VAC14: variants seen among roughly 807,000 people sequenced by gnomAD.
The protein encoded by VAC14 is protein VAC14 homolog.
In VAC14, 47 loss-of-function variants were observed where a neutral mutation model predicts 85.3. The ratio of observed to expected loss-of-function variants is 0.55; its 90% CI spans 0.44 to 0.70. The LOEUF is 0.70. Ranked by LOEUF, VAC14 falls within the 30% of genes least tolerant of loss-of-function variation. The pLI is 0.00. For synonymous variants in VAC14, 447 were observed against 430.5 expected (o/e 1.04, Z -0.47); for missense variants, 861 against 1,004.3 (o/e 0.86, Z 1.93).
chr16:70,783,093 G>T lies in VAC14; in HGVS notation c.751C>A (p.Pro251Thr), dbSNP rs2033889560. The change falls in exon 7 of 19, where the codon CCC becomes ACC. Residue 251 changes from proline to threonine, a missense_variant. Pro to Thr is a conservative substitution (Grantham distance 38). Around this residue, in one of 3 missense-constraint regions of VAC14, gnomAD observed 629 missense variants for 703.1 expected, o/e 0.89. Coordinates refer to ENST00000261776, the MANE Select transcript of VAC14 (RefSeq NM_018052.5). ...ATCTCAGCAAACTTCACACTGGAGG[G>T]GTTCTTCTTAATTTCTTTTAAGAAT... is the stretch of plus-strand genomic sequence containing the variant. The part of the protein sequence containing the change: ...GEFLKEIKKN[P>T]SSVKFAEMAN... The T allele has an allele frequency of 6.2e-7, 1 of 1,614,094 alleles. No individual in the cohort carries two copies. The highest frequency in any genetic ancestry group is 1.3e-5 in the African/African-American group (1 of 75,030).
chr16:70,784,170 C>G lies in VAC14; in HGVS notation c.537G>C (p.Leu179Phe). ...NKFDLVSFIP[L>F]LRERIYSNNQ... is the part of the protein sequence containing the mutation. ...TGTTGGAGTAAATCCTCTCTCGCAA[C>G]AAGGGGATGAAGCTCACCAGGTCAA... The change falls in exon 5 of 19, where the codon TTG becomes TTC. Residue 179 changes from leucine to phenylalanine, a missense_variant. Leu to Phe is a conservative substitution (Grantham distance 22, BLOSUM62 0). Around this residue, in one of 3 missense-constraint regions of VAC14, gnomAD observed 629 missense variants for 703.1 expected, o/e 0.89. Transcript: ENST00000261776. The G allele has an allele frequency of 6.2e-7, 1 of 1,614,162 alleles. No individual in the cohort carries two copies. The highest frequency in any genetic ancestry group is 8.5e-7 in the Non-Finnish European group (1 of 1,180,032).
In VAC14 at chr16:70,695,641, GA is replaced by G; in HGVS notation, c.1956-19del. ...GGTCCCCACTGGGTGTGCAGTCAAG[GA>G]AAGTCTGTCTGCTGGGCCAGCACAG... On this transcript the variant is annotated intron_variant, in intron 16 of 18. Transcript: ENST00000261776. 1 of 1,610,716 alleles carries G rather than the reference GA, an allele frequency of 6.2e-7. No homozygotes were observed. Among genetic ancestry groups the G allele is most frequent in the South Asian group, 1.1e-5 (1 of 91,004 alleles).
chr16:70,755,945 T>C, intron 12 of VAC14: 1 of 453,120 alleles, frequency 2.2e-6, no homozygotes, highest in Non-Finnish European at 4.4e-6. Flanking sequence ...AGCTCGGGGG[T>C]TTGGGGCTTC....
intron 10 of VAC14, among the ~76,000 whole-genome samples, chr16:70,764,591 G>A (rs901642714): frequency 6.6e-6 from 1 of 152,220 alleles, no homozygotes; most frequent in Non-Finnish European, 1.5e-5. Flanking sequence ...AATTAAAAAG[G>A]AGAAACAGGT....
At chr16:70,790,190 G>A (rs1263187293) in intron 1 of VAC14, among the ~76,000 whole-genome samples, 3 of 152,196 alleles carry the variant, frequency 2.0e-5, no homozygotes, top group African/African-American at 4.8e-5. Flanking sequence ...GAAAGAGAAC[G>A]ACCCGTGTCT....
chr16:70,697,085 G>T, intron 16 of VAC14, 54 bp downstream of exon 16: 1 of 1,472,500 alleles, frequency 6.8e-7, no homozygotes, highest in Non-Finnish European at 9.5e-7. Context: ...GGGGCAGCCG[G>T]CCCCTTCCTG....
At chr16:70,785,681 G>A (rs2034016002) in intron 3 of VAC14, 21 bp downstream of exon 3, 1 of 1,543,256 alleles carries the variant, frequency 6.5e-7, no homozygotes, top group Admixed American at 2.0e-5. Flanking sequence ...GCTCAGTGAG[G>A]AGGAGGAGGA....
At position 70,695,718 on chromosome 16, in the gene VAC14, GCA is replaced by G. The variant is rs1013185050; in HGVS notation, c.1956-97_1956-96del. 9.1e-6 allele frequency: 11 copies of G among 1,206,428 alleles called. No homozygotes were observed. The African/African-American group carries it at 1.2e-4, about 13-fold the overall frequency. The allele number at this position is 1,206,428 out of a possible 1,614,324, so 74.7% of individuals were successfully genotyped here. ...TCCCCCCCTGCACCTGGCTTCCTGT[GCA>G]CAGAGCCTGGTTGTGGTGAAGCAGG... On this transcript the variant is annotated intron_variant, in intron 16 of 18. Transcript: ENST00000261776.
chr16:70,769,051 G>C lies in VAC14; in HGVS notation c.1160+3058C>G, dbSNP rs144609626. ...GGCTGATCTCGAACTCCTGACCTCA[G>C]GTGATCCACCTGCCTTGGCCTCCCA... On this transcript the variant is annotated intron_variant, in intron 10 of 18. Transcript: ENST00000261776. The C allele has an allele frequency of 7.4e-3, 1,837 of 248,332 alleles. 33 individuals carry two copies. The highest frequency in any genetic ancestry group is 0.041 in the African/African-American group (1,714 of 42,192). 15.4% of individuals were successfully genotyped at this position (248,332 alleles called of 1,614,324 possible). A position where few individuals can be genotyped will look rare whatever the true frequency, so the allele number is the denominator to read the frequency against.
At chr16:70,732,886 T>G (rs1391038076) in intron 13 of VAC14, among the ~76,000 whole-genome samples, 1 of 152,082 alleles carries the variant, frequency 6.6e-6, no homozygotes, top group African/African-American at 2.4e-5. Context: ...TGACCTCAGG[T>G]GATCCACCTG....
chr16:70,754,153 C>T (rs1416543578), intron 12 of VAC14, among the ~76,000 whole-genome samples: 3 of 152,174 alleles, frequency 2.0e-5, no homozygotes, highest in Non-Finnish European at 4.4e-5. Flanking sequence ...CCTGTCTTCC[C>T]TGCAAGGAGG....
intron 14 of VAC14, chr16:70,699,246 A>G: frequency 5.1e-6 from 1 of 195,292 alleles, no homozygotes; most frequent in Non-Finnish European, 1.1e-5. Context: ...CCAATTCTCC[A>G]CACATCGGTC....
At chr16:70,720,923 A>G (rs985700199) in intron 14 of VAC14, among the ~76,000 whole-genome samples, 13 of 151,496 alleles carry the variant, frequency 8.6e-5, no homozygotes, top group African/African-American at 3.2e-4. Flanking sequence ...GGGGCTCAAA[A>G]CAGACTGGTG....
chr16:70,689,549 G>A (rs1167783205), intron 18 of VAC14: 16 of 985,492 alleles, frequency 1.6e-5, no homozygotes, highest in Non-Finnish European at 1.8e-5. Context: ...GGGGCCCGGA[G>A]GCGGCCTCCT....
intron 1 of VAC14, among the ~76,000 whole-genome samples, chr16:70,793,667 C>T (rs1051477482): frequency 6.6e-6 from 1 of 152,222 alleles, no homozygotes; most frequent in South Asian, 2.1e-4. Context: ...AGGTTTTAGC[C>T]ACTGAACTCA....
In VAC14 at chr16:70,726,460, A is replaced by T. The variant is rs531811267; in HGVS notation, c.1661+5035T>A. Among the ~76,000 whole-genome samples the T allele has an allele frequency of 5.3e-5, 8 of 152,362 alleles. No homozygotes were observed. In the East Asian group the frequency reaches 1.2e-3, roughly 22 times the overall value. ...AAGCCCTGTGGGGAGGCTGAACAAC[A>T]GCCCCGCTTTATCAGACACAGCCAG... On this transcript the variant is annotated intron_variant, in intron 14 of 18. Transcript: ENST00000261776.
At chr16:70,778,947 C>T (rs942295923) in intron 9 of VAC14, 3 of 152,212 alleles carry the variant, frequency 2.0e-5, no homozygotes, top group Admixed American at 6.5e-5. Flanking sequence ...AAAAGCTCCT[C>T]CCTTTGAAGG....
intron 14 of VAC14, among the ~76,000 whole-genome samples, chr16:70,718,907 C>G (rs1324987934): frequency 6.6e-6 from 1 of 152,322 alleles, no homozygotes; most frequent in South Asian, 2.1e-4. Flanking sequence ...ACAAAGACTG[C>G]AGAGATCTTG....
chr16:70,795,650 C>T (rs2034516288), intron 1 of VAC14, among the ~76,000 whole-genome samples: 1 of 152,360 alleles, frequency 6.6e-6, no homozygotes, highest in South Asian at 2.1e-4. Context: ...GCCTCCCCCA[C>T]AGCCAGCAGG....
Sources: allele counts gnomAD v4.1 joint callset (sites outside exome capture counted in the v4.1 genomes callset), GRCh38; gene constraint gnomAD v4.1.1; regional missense constraint gnomAD v4.1.1; transcripts MANE v1.5; gene names NCBI Gene and HGNC (gene_info 2026-07-23, HGNC 2026-07-21).